Variants in NIPBL observed in about 807,000 individuals in gnomAD.
NIPBL encodes NIPBL cohesin loading factor.
NIPBL carries 19 observed loss-of-function variants against 321.8 expected under a neutral mutation model. The ratio of observed to expected loss-of-function variants is 0.06; its 90% CI spans 0.04 to 0.09. The LOEUF is 0.09. NIPBL is among the 10% of genes least tolerant of loss of function. The probability of loss-of-function intolerance (pLI) is 1.00; values close to 1 mark genes in which losing one functional copy is unlikely to be tolerated. For missense variants in NIPBL, 2,210 were observed against 3,327.0 expected (o/e 0.66, Z 8.26); for synonymous variants, 1,106 against 1,114.1 (o/e 0.99, Z 0.14).
At position 36,953,853 on chromosome 5, in the gene NIPBL, A is replaced by G. The variant is rs916654976; in HGVS notation, c.64+93A>G. 9 of 1,128,478 alleles carry G rather than the reference A, an allele frequency of 8.0e-6. No individual in the cohort carries two copies. In the Middle Eastern group the frequency reaches 1.2e-3, roughly 152 times the overall value. The allele number at this position is 1,128,478 out of a possible 1,614,324, so 69.9% of individuals were successfully genotyped here. A position where few individuals can be genotyped will look rare whatever the true frequency, so the allele number is the denominator to read the frequency against. On this transcript the variant is annotated intron_variant, in intron 2 of 46. Coordinates refer to ENST00000282516, the MANE Select transcript of NIPBL (RefSeq NM_133433.4). ...TCTAAAAATTATTATAGGTTCTTTA[A>G]AACACATTTACAGAAATAGCAACTG...
intron 3 of NIPBL, among the ~76,000 whole-genome samples, chr5:36,957,423 A>G (rs1169111869): frequency 6.6e-6 from 1 of 152,212 alleles, no homozygotes; most frequent in Non-Finnish European, 1.5e-5. Flanking sequence ...GTAAGAAAAT[A>G]TATTCCAATA....
intron 37 of NIPBL, 88 bp from the exon 38 acceptor site, chr5:37,046,016 TTCTCA>T: frequency 1.4e-6 from 1 of 718,106 alleles, no homozygotes; most frequent in Non-Finnish European, 2.5e-6. Context: ...TTCACACAAA[TTCTCA>T]TTGTTTTAAG....
intron 46 of NIPBL, 84 bp downstream of exon 46, chr5:37,064,062 T>C (rs1561232221): frequency 6.4e-7 from 1 of 1,551,296 alleles, no homozygotes; most frequent in Admixed American, 2.0e-5. Flanking sequence ...GTCTATTAAA[T>C]GTACACCAAG....
intron 1 of NIPBL, among the ~76,000 whole-genome samples, chr5:36,942,608 G>T (rs1315356774): frequency 3.3e-5 from 5 of 151,180 alleles, no homozygotes; most frequent in African/African-American, 1.2e-4. Context: ...GGGGGTGGTG[G>T]TGCACACCTG....
chr5:36,878,437 A>G (rs185542166), intron 1 of NIPBL, among the ~76,000 whole-genome samples: 70 of 152,364 alleles, frequency 4.6e-4, no homozygotes, highest in African/African-American at 1.6e-3. Context: ...GGGAAACACC[A>G]ATTTAAAATT....
intron 33 of NIPBL, 75 bp downstream of exon 33, chr5:37,036,562 C>T: frequency 1.8e-6 from 1 of 545,660 alleles, no homozygotes. Flanking sequence ...GTAAATTTCT[C>T]ATTTTTGCCT....
At chr5:36,893,018 C>A (rs1376931996) in intron 1 of NIPBL, among the ~76,000 whole-genome samples, 1 of 152,046 alleles carries the variant, frequency 6.6e-6, no homozygotes, top group Non-Finnish European at 1.5e-5. Context: ...CTTTTTAATG[C>A]TTTGTTTTCT....
chr5:36,882,241 C>A (rs187338201), intron 1 of NIPBL, among the ~76,000 whole-genome samples: 1 of 151,936 alleles, frequency 6.6e-6, no homozygotes, highest in East Asian at 1.9e-4. Flanking sequence ...TACTGTACAA[C>A]GTCACTTGAA....
At chr5:37,062,889 C>T (rs1754908790) in intron 45 of NIPBL, among the ~76,000 whole-genome samples, 1 of 150,712 alleles carries the variant, frequency 6.6e-6, no homozygotes, top group Admixed American at 6.6e-5. Context: ...CACTGCACTT[C>T]AGCCTGAGTG....
intron 10 of NIPBL, among the ~76,000 whole-genome samples, chr5:36,993,932 A>G (rs558984574): frequency 3.7e-4 from 57 of 152,274 alleles, no homozygotes; most frequent in Admixed American, 3.9e-4. Context: ...TATGTACTCA[A>G]TATTATGTAG....
intron 1 of NIPBL, among the ~76,000 whole-genome samples, chr5:36,952,045 TGTGTGTGTGC>T (rs1272791544): frequency 4.1e-4 from 48 of 116,372 alleles, no homozygotes; most frequent in African/African-American, 1.3e-3. Context: ...TGTGTGTGTG[TGTGTGTGTGC>T]GCGCGCGCGC....
intron 25 of NIPBL, among the ~76,000 whole-genome samples, chr5:37,019,846 A>G (rs1309260939): frequency 2.0e-5 from 3 of 152,238 alleles, no homozygotes; most frequent in Non-Finnish European, 4.4e-5. Context: ...TTCATGTACA[A>G]AATTTATAAA....
intron 8 of NIPBL, among the ~76,000 whole-genome samples, chr5:36,974,109 G>A (rs989021320): frequency 2.0e-5 from 3 of 152,200 alleles, no homozygotes; most frequent in Non-Finnish European, 4.4e-5. Flanking sequence ...GTCAAGGTGA[G>A]AAGTTATTTA....
intron 1 of NIPBL, among the ~76,000 whole-genome samples, chr5:36,947,580 T>A (rs1294908672): frequency 6.6e-6 from 1 of 152,084 alleles, no homozygotes; most frequent in Non-Finnish European, 1.5e-5. Context: ...TATTAGTCTT[T>A]AGCACCTAGC....
intron 1 of NIPBL, among the ~76,000 whole-genome samples, chr5:36,915,488 A>G (rs143181931): frequency 0.019 from 2,865 of 152,234 alleles, 44 homozygotes; most frequent in Non-Finnish European, 0.028. Context: ...TGAAGTTCTC[A>G]GGTCAGTACA....
intron 4 of NIPBL, among the ~76,000 whole-genome samples, chr5:36,960,175 T>C (rs559057598): frequency 4.4e-4 from 67 of 152,266 alleles, no homozygotes; most frequent in African/African-American, 1.5e-3. Context: ...AAAATGCAAA[T>C]CACTTTAATC....
At chr5:36,941,751 A>G (rs1739085608) in intron 1 of NIPBL, among the ~76,000 whole-genome samples, 1 of 152,174 alleles carries the variant, frequency 6.6e-6, no homozygotes, top group Non-Finnish European at 1.5e-5. Context: ...TATTAAATAA[A>G]TCAGAAATCT....
chr5:37,012,075 A>G (rs1222098090), intron 21 of NIPBL, among the ~76,000 whole-genome samples: 1 of 148,914 alleles, frequency 6.7e-6, no homozygotes, highest in Non-Finnish European at 1.5e-5. Context: ...CTTTTCCTAT[A>G]GTTATTTGTC....
At chr5:37,008,552 A>G (rs1261872906) in intron 19 of NIPBL, 71 bp from the exon 20 acceptor site, 1 of 820,658 alleles carries the variant, frequency 1.2e-6, no homozygotes. Flanking sequence ...AATTTTTTAA[A>G]TCACATGATA....
Sources: allele counts gnomAD v4.1 joint callset (sites outside exome capture counted in the v4.1 genomes callset), GRCh38; gene constraint gnomAD v4.1.1; transcripts MANE v1.5; gene names NCBI Gene and HGNC (gene_info 2026-07-23, HGNC 2026-07-21).